Variants in KIF3C observed in about 807,000 individuals in gnomAD.
The protein encoded by KIF3C is kinesin-like protein KIF3C.
A neutral mutation model predicts 67.7 loss-of-function variants in KIF3C; 12 were observed. The observed-to-expected ratio is 0.18, with a 90% confidence interval of 0.11 to 0.29. The LOEUF is 0.29. Ranked by LOEUF, KIF3C falls within the 10% of genes least tolerant of loss-of-function variation. The probability of loss-of-function intolerance (pLI) is 1.00; values close to 1 mark genes in which losing one functional copy is unlikely to be tolerated. For synonymous variants in KIF3C, 393 were observed against 426.2 expected, an observed-to-expected ratio of 0.92 and a Z score of 0.96; for missense variants, 789 against 1,059.6, an observed-to-expected ratio of 0.74 and a Z score of 3.55.
chr2:25,935,921 A>G (rs1005896931), intron 5 of KIF3C, among the ~76,000 whole-genome samples: 4 of 151,502 alleles, frequency 2.6e-5, no homozygotes, highest in African/African-American at 9.7e-5. Flanking sequence ...ACTAAAAAAA[A>G]TACAAAAAAA....
chr2:25,928,756 C>A lies in KIF3C; in HGVS notation c.*222G>T. On this transcript the variant is annotated 3_prime_UTR_variant, in exon 8 of 8. Transcript: ENST00000264712. ...TAGGCCCAGACGGCTCAGGCGAGGG[C>A]ATCTCCCCAACACGAACAGAGCTCC... 1 of 490,868 alleles carries A rather than the reference C, an allele frequency of 2.0e-6. No individual in the cohort carries two copies. Among genetic ancestry groups the A allele is most frequent in the Admixed American group, 3.6e-5 (1 of 28,164 alleles). The allele number at this position is 490,868 out of a possible 1,614,324, so 30.4% of individuals were successfully genotyped here.
In KIF3C at chr2:25,958,296, C is replaced by G. The variant is rs1663859497; in HGVS notation, c.1546-1852G>C. ...AGGCAGATCCACTAAAAACACAACC[C>G]TGGGCTGGGGACGGTGGCTCATGCC... is the stretch of plus-strand genomic sequence containing the variant. On this transcript the variant is annotated intron_variant, in intron 1 of 7. Coordinates refer to ENST00000264712, the MANE Select transcript of KIF3C (RefSeq NM_002254.8). This position sits in a 1 kb window ranked among gnomAD's most constrained non-coding sequence, Gnocchi z 4.5. Among the ~76,000 whole-genome samples the G allele has an allele frequency of 6.6e-6, 1 of 152,150 alleles. No individual in the cohort carries two copies.
chr2:25,930,160 C>T (rs2090447305), intron 5 of KIF3C, 97 bp from the exon 6 acceptor site: 2 of 928,614 alleles, frequency 2.2e-6, no homozygotes, highest in Non-Finnish European at 3.5e-6. Context: ...GCTAGGAGGC[C>T]CTGCAGACTG....
chr2:25,930,938 G>T (rs763879577), intron 5 of KIF3C, among the ~76,000 whole-genome samples: 8 of 151,938 alleles, frequency 5.3e-5, no homozygotes, highest in Non-Finnish European at 1.2e-4. Flanking sequence ...TGCCTGCCTT[G>T]GCCTCCCAAA....
intron 5 of KIF3C, among the ~76,000 whole-genome samples, chr2:25,943,469 C>A (rs531219026): frequency 6.6e-6 from 1 of 152,282 alleles, no homozygotes; most frequent in South Asian, 2.1e-4. Context: ...TTTCAATTAC[C>A]GTGGAATTGT....
rs774688414 is a variant in KIF3C, at chr2:25,981,826, T to G, written c.92A>C (p.Gln31Pro). Residue 31 changes from glutamine to proline, a missense_variant, in exon 1 of 8, where the codon CAG becomes CCG. Around this residue, in one of 2 missense-constraint regions of KIF3C, gnomAD observed 141 missense variants for 251.8 expected, o/e 0.56. Coordinates refer to ENST00000264712, the MANE Select transcript of KIF3C (RefSeq NM_002254.8). The surrounding 1 kb of genome is among the most constrained non-coding windows in gnomAD (Gnocchi z 8.2). Reference sequence around the variant, plus strand: ...CAGTTTCACGTCCATGGTCAGGATCTGCTCGTGACCAGCAGCCTCCTCCTT... The same window carrying G: ...CAGTTTCACGTCCATGGTCAGGATCGGCTCGTGACCAGCAGCCTCCTCCTT... ...SRKEEAAGHE[Q>P]ILTMDVKLGQ... 21 of 1,612,148 alleles carry G rather than the reference T, an allele frequency of 1.3e-5. No homozygotes were observed. The highest frequency in any genetic ancestry group is 1.8e-5 in the Non-Finnish European group (21 of 1,179,194).
In KIF3C at chr2:25,981,221, C is replaced by T; in HGVS notation, c.697G>A (p.Gly233Ser). 6.2e-6 allele frequency: 10 copies of T among 1,614,148 alleles called. No individual in the cohort carries two copies. Among genetic ancestry groups the T allele is most frequent in the Non-Finnish European group, 8.5e-6 (10 of 1,180,032 alleles). ...TVECSERGSD[G>S]QDHIRVGKLN... Reference sequence around the variant, plus strand: ...TTGCCCACTCGGATGTGGTCCTGGCCATCAGAGCCACGTTCGCTGCACTCC... The same window carrying T: ...TTGCCCACTCGGATGTGGTCCTGGCTATCAGAGCCACGTTCGCTGCACTCC... The change falls in exon 1 of 8, where the codon GGC (glycine) becomes AGC (serine). Residue 233 changes from glycine to serine, a missense_variant. By Grantham distance (56) the Gly-to-Ser change is moderately conservative. Transcript: ENST00000264712. This position sits in a 1 kb window ranked among gnomAD's most constrained non-coding sequence, Gnocchi z 8.2.
rs1559555516 is a variant in KIF3C, at chr2:25,963,020, A to AATATATAATATATAATATATAAT, written c.1546-6599_1546-6577dup. On this transcript the variant is annotated intron_variant, in intron 1 of 7. Coordinates refer to ENST00000264712, the MANE Select transcript of KIF3C (RefSeq NM_002254.8). ...ATAATATATAATATATAATATATAT[A>AATATATAATATATAATATATAAT]ATATATAATATATAATATATAATAT... Among the ~76,000 whole-genome samples, 121 of 31,518 alleles carry AATATATAATATATAATATATAAT rather than the reference A, an allele frequency of 3.8e-3. 11 individuals carry two copies. Among genetic ancestry groups the AATATATAATATATAATATATAAT allele is most frequent in the Admixed American group, 7.5e-3 (10 of 1,326 alleles). 20.7% of individuals were successfully genotyped at this position (31,518 alleles called of 152,430 possible).
At chr2:25,954,857 C>A (rs1413338297) in intron 3 of KIF3C, among the ~76,000 whole-genome samples, 1 of 152,136 alleles carries the variant, frequency 6.6e-6, no homozygotes, top group Non-Finnish European at 1.5e-5. Flanking sequence ...TTCAGGGGCT[C>A]TCAAAAGTGG....
In KIF3C at chr2:25,981,947, C is replaced by A. The variant is rs532983874; in HGVS notation, c.-30G>T. 4 of 1,502,032 alleles carry A rather than the reference C, an allele frequency of 2.7e-6. No homozygotes were observed. The highest frequency in any genetic ancestry group is 3.5e-6 in the Non-Finnish European group (4 of 1,128,300). The allele number at this position is 1,502,032 out of a possible 1,614,324, so 93.0% of individuals were successfully genotyped here. On this transcript the variant is annotated 5_prime_UTR_variant, in exon 1 of 8. Transcript: ENST00000264712. The surrounding 1 kb of genome is among the most constrained non-coding windows in gnomAD (Gnocchi z 8.2). ...CTGCTCTGACCTTCCTGCCCCCGAG[C>A]CCCTCCGCAGCCTGGGCGGTCCTGC...
chr2:25,967,759 G>A (rs950906941), intron 1 of KIF3C, among the ~76,000 whole-genome samples: 2 of 152,206 alleles, frequency 1.3e-5, no homozygotes, highest in African/African-American at 4.8e-5. Flanking sequence ...CCGGGAGGTG[G>A]AGGCTGTAGT....
At position 25,981,274 on chromosome 2, in the gene KIF3C, C is replaced by T; in HGVS notation, c.644G>A (p.Arg215His). 1.2e-6 allele frequency: 2 copies of T among 1,614,156 alleles called. No individual in the cohort carries two copies. Among genetic ancestry groups the T allele is most frequent in the Non-Finnish European group, 1.7e-6 (2 of 1,180,030 alleles). The part of the protein sequence containing the change: ...GSTHMNEVSS[R>H]SHAIFIITVE... ...AGTGATGATGAAGATGGCATGGGAG[C>T]GGGAGCTGACCTCATTCATGTGGGT... Residue 215 changes from arginine (R) to histidine (H), a missense_variant, in exon 1 of 8, where the codon CGC becomes CAC. By Grantham distance (29) the Arg-to-His change is conservative. Coordinates refer to ENST00000264712, the MANE Select transcript of KIF3C (RefSeq NM_002254.8). The surrounding 1 kb of genome is among the most constrained non-coding windows in gnomAD (Gnocchi z 8.2).
intron 1 of KIF3C, among the ~76,000 whole-genome samples, chr2:25,969,955 A>T (rs574517387): frequency 6.6e-6 from 1 of 152,176 alleles, no homozygotes; most frequent in Admixed American, 6.5e-5. Context: ...GCCTCAAGTG[A>T]TCTGCCCACC....
intron 1 of KIF3C, among the ~76,000 whole-genome samples, chr2:25,959,327 C>T (rs1663887553): frequency 1.3e-5 from 2 of 152,142 alleles, no homozygotes; most frequent in South Asian, 4.1e-4. Context: ...CTGTGAGCTC[C>T]CTCATGGCAG....
intron 1 of KIF3C, among the ~76,000 whole-genome samples, chr2:25,963,093 T>C (rs1284089760): frequency 9.6e-6 from 1 of 104,620 alleles, no homozygotes; most frequent in African/African-American, 3.6e-5. Flanking sequence ...TATATGCATA[T>C]ATATACATAT....
chr2:25,930,106 C>A, intron 5 of KIF3C, 43 bp from the exon 6 acceptor site: 1 of 1,490,692 alleles, frequency 6.7e-7, no homozygotes, highest in Non-Finnish European at 9.4e-7. Context: ...CTGTGGAACA[C>A]AAACAGCAAA....
chr2:25,963,174 G>GTGTGTATATA (rs1207447041), intron 1 of KIF3C, among the ~76,000 whole-genome samples: 5 of 34,308 alleles, frequency 1.5e-4, no homozygotes, highest in African/African-American at 5.1e-4. Context: ...ATGTGTGTGT[G>GTGTGTATATA]TATATATATA....
At chr2:25,952,176 T>C (rs888244683) in intron 4 of KIF3C, among the ~76,000 whole-genome samples, 1 of 152,066 alleles carries the variant, frequency 6.6e-6, no homozygotes, top group Non-Finnish European at 1.5e-5. Flanking sequence ...GGTGGGTGCC[T>C]GTAGTCCCAA....
intron 6 of KIF3C, among the ~76,000 whole-genome samples, chr2:25,929,716 A>C (rs997188113): frequency 4.6e-5 from 7 of 151,910 alleles, no homozygotes; most frequent in African/African-American, 1.7e-4. Context: ...CCCAGGTTCA[A>C]GCAATTCTCC....
Sources: gnomAD v4.1 joint callset for allele counts (sites outside exome capture counted in the v4.1 genomes callset) on GRCh38, gnomAD v4.1.1 for gene constraint, gnomAD v4.1.1 regional missense constraint, Gnocchi (gnomAD v3.1) non-coding constraint, MANE v1.5 for transcripts, NCBI Gene and HGNC (gene_info 2026-07-23, HGNC 2026-07-21) for gene names.